The following COMMD10 variants were observed in gnomAD, a reference collection of about 807,000 sequenced individuals.
The protein encoded by COMMD10 is COMM domain-containing protein 10.
A neutral mutation model predicts 28.9 loss-of-function variants in COMMD10; 33 were observed. That is an observed-to-expected ratio of 1.14 (90% confidence interval 0.87 to 1.53). The LOEUF (loss-of-function observed/expected upper bound fraction) is 1.53. COMMD10 is among the 40% of genes most tolerant of loss of function. COMMD10 has a pLI of 0.00. For missense variants in COMMD10, 310 were observed against 233.4 expected (o/e 1.33, Z -2.14); for synonymous variants, 110 against 81.7 (o/e 1.35, Z -1.87).
intron 5 of COMMD10, among the ~76,000 whole-genome samples, chr5:116,239,227 AG>A (rs1749754154): frequency 6.6e-6 from 1 of 152,190 alleles, no homozygotes; most frequent in Non-Finnish European, 1.5e-5. Context: ...TTGGTTAACC[AG>A]CAAAACTCAA....
chr5:116,191,887 G>A (rs185321072), intron 5 of COMMD10, among the ~76,000 whole-genome samples: 3 of 152,044 alleles, frequency 2.0e-5, no homozygotes, highest in Admixed American at 1.3e-4. Flanking sequence ...CATGGAGTCC[G>A]TTGCACAACC....
Position 116,293,231 on chromosome 5 carries a change from A to T in COMMD10, c.*742A>T. 2.7e-6 allele frequency: 1 copy of T among 376,212 alleles called. No individual in the cohort carries two copies. The highest frequency in any genetic ancestry group is 4.7e-6 in the Non-Finnish European group (1 of 212,146). 23.3% of individuals were successfully genotyped at this position (376,212 alleles called of 1,614,324 possible). A position where few individuals can be genotyped will look rare whatever the true frequency, so the allele number is the denominator to read the frequency against. ...CCATTATTCGAATCAGATACCTTTTATATTCTCTTTCCATAAATACGTTGA... is the reference window on the plus strand; with the variant it reads ...CCATTATTCGAATCAGATACCTTTTTTATTCTCTTTCCATAAATACGTTGA... On this transcript the variant is annotated 3_prime_UTR_variant, in exon 7 of 7. Coordinates refer to ENST00000274458, the MANE Select transcript of COMMD10 (RefSeq NM_016144.4).
intron 5 of COMMD10, among the ~76,000 whole-genome samples, chr5:116,289,063 G>A (rs1003318144): frequency 2.0e-5 from 3 of 151,090 alleles, no homozygotes; most frequent in Admixed American, 2.0e-4. Context: ...TGTATTTTTA[G>A]TAGAGATGGG....
chr5:116,282,702 C>A (rs1201115246), intron 5 of COMMD10, among the ~76,000 whole-genome samples: 1 of 151,886 alleles, frequency 6.6e-6, no homozygotes, highest in East Asian at 1.9e-4. Flanking sequence ...TTGTCTTTCT[C>A]TGGTGTCTTT....
chr5:116,182,448 G>C (rs748054810), intron 5 of COMMD10, among the ~76,000 whole-genome samples: 2 of 151,346 alleles, frequency 1.3e-5, no homozygotes, highest in Non-Finnish European at 2.9e-5. Flanking sequence ...TTTTGAGAGA[G>C]TTTGAGCAAA....
chr5:116,096,033 G>C (rs1357358480), intron 4 of COMMD10, among the ~76,000 whole-genome samples: 1 of 152,002 alleles, frequency 6.6e-6, no homozygotes, highest in Non-Finnish European at 1.5e-5. Context: ...GTTAAAATCA[G>C]GTATTGTGAA....
At chr5:116,131,920 T>C (rs1297456397) in intron 4 of COMMD10, among the ~76,000 whole-genome samples, 1 of 152,036 alleles carries the variant, frequency 6.6e-6, no homozygotes, top group East Asian at 1.9e-4. Flanking sequence ...GGCTAAATTA[T>C]AGATAATTAG....
chr5:116,236,461 A>G (rs10064106), intron 5 of COMMD10, among the ~76,000 whole-genome samples: 55,567 of 146,982 alleles, frequency 0.38, 13,399 homozygotes, highest in African/African-American at 0.7. Context: ...CCGAGATCAC[A>G]CTACTGCACT....
chr5:116,264,864 G>A (rs1291941442), intron 5 of COMMD10, among the ~76,000 whole-genome samples: 2 of 151,790 alleles, frequency 1.3e-5, no homozygotes. Context: ...TCTATTCCAT[G>A]TAAATGACAT....
intron 5 of COMMD10, among the ~76,000 whole-genome samples, chr5:116,187,820 AAC>A (rs1748192246): frequency 6.6e-6 from 1 of 152,112 alleles, no homozygotes; most frequent in Admixed American, 6.6e-5. Flanking sequence ...TTATGTTGTA[AAC>A]AGTGTTTTTT....
chr5:116,092,092 T>C (rs1045783787), intron 3 of COMMD10, among the ~76,000 whole-genome samples: 1 of 152,216 alleles, frequency 6.6e-6, no homozygotes, highest in African/African-American at 2.4e-5. Flanking sequence ...TAAAATTTTT[T>C]ACAACTTTTA....
At position 116,293,139 on chromosome 5, in the gene COMMD10, C is replaced by A. The variant is rs953442762; in HGVS notation, c.*650C>A. The A allele has an allele frequency of 2.5e-5, 10 of 394,004 alleles. No individual in the cohort carries two copies. Among genetic ancestry groups the A allele is most frequent in the African/African-American group, 4.1e-5 (2 of 48,406 alleles). The allele number at this position is 394,004 out of a possible 1,614,324, so 24.4% of individuals were successfully genotyped here. Reference sequence around the variant, plus strand: ...TTTATACTGCAAATTAATAATGATTCACTTTATAGTTTGGGAGACAGAATC... The same window carrying A: ...TTTATACTGCAAATTAATAATGATTAACTTTATAGTTTGGGAGACAGAATC... On this transcript the variant is annotated 3_prime_UTR_variant, in exon 7 of 7. Transcript: ENST00000274458.
At position 116,175,021 on chromosome 5, in the gene COMMD10, G is replaced by A. The variant is rs1753456908; in HGVS notation, c.510+40843G>A. Among the ~76,000 whole-genome samples the A allele has an allele frequency of 2.0e-5, 3 of 151,946 alleles. 1 individual carries two copies. The highest frequency in any genetic ancestry group is 6.6e-5 in the Admixed American group (1 of 15,240). On this transcript the variant is annotated intron_variant, in intron 5 of 6. Coordinates refer to ENST00000274458, the MANE Select transcript of COMMD10 (RefSeq NM_016144.4). ...AGAGATGTGGAGAACCAGTTTGCTG[G>A]GGAACAGAGCTCTTTGTGATCTTTC...
In COMMD10 at chr5:116,186,442, C is replaced by A. The variant is rs138194314; in HGVS notation, c.510+52264C>A. The stretch of plus-strand genomic sequence containing the variant: ...ATGAAATACAGTTAATATTCTCCTT[C>A]TCTGGGTTTTTGCAGGTTCTATCCT... On this transcript the variant is annotated intron_variant, in intron 5 of 6. Transcript: ENST00000274458. Among the ~76,000 whole-genome samples the A allele has an allele frequency of 6.7e-3, 1,017 of 152,214 alleles. 16 individuals carry two copies. Among genetic ancestry groups the A allele is most frequent in the African/African-American group, 0.023 (974 of 41,534 alleles).
chr5:116,189,656 T>C (rs1748283429), intron 5 of COMMD10, among the ~76,000 whole-genome samples: 1 of 152,196 alleles, frequency 6.6e-6, no homozygotes, highest in Admixed American at 6.5e-5. Context: ...TTATTATGAT[T>C]AATTTTTTAT....
At chr5:116,222,319 T>G (rs1471186882) in intron 5 of COMMD10, among the ~76,000 whole-genome samples, 6 of 152,210 alleles carry the variant, frequency 3.9e-5, no homozygotes, top group Non-Finnish European at 8.8e-5. Flanking sequence ...TTTAATATTT[T>G]AATTTGGAAA....
chr5:116,089,730 C>A (rs17138879), intron 2 of COMMD10, among the ~76,000 whole-genome samples: 1 of 152,088 alleles, frequency 6.6e-6, no homozygotes, highest in Non-Finnish European at 1.5e-5. Flanking sequence ...TGAAGTTACC[C>A]GTCCTGCTGG....
intron 5 of COMMD10, among the ~76,000 whole-genome samples, chr5:116,162,326 A>C (rs2112568625): frequency 6.6e-6 from 1 of 152,250 alleles, no homozygotes; most frequent in South Asian, 2.1e-4. Context: ...TGAAAATTAC[A>C]AGCATGCACC....
At chr5:116,177,303 C>CCTCT (rs1402423638) in intron 5 of COMMD10, among the ~76,000 whole-genome samples, 1 of 152,000 alleles carries the variant, frequency 6.6e-6, no homozygotes, top group Non-Finnish European at 1.5e-5. Context: ...CTTTCTCTCT[C>CCTCT]ATCTTCATAT....
Sources: allele counts gnomAD v4.1 joint callset (sites outside exome capture counted in the v4.1 genomes callset), GRCh38; gene constraint gnomAD v4.1.1; transcripts MANE v1.5; gene names NCBI Gene and HGNC (gene_info 2026-07-23, HGNC 2026-07-21).